SLC25A19: variants seen among roughly 807,000 people sequenced by gnomAD.
SLC25A19 encodes the protein mitochondrial thiamine pyrophosphate carrier.
A neutral mutation model predicts 27.9 loss-of-function variants in SLC25A19; 18 were observed. The ratio of observed to expected loss-of-function variants is 0.64; its 90% confidence interval spans 0.45 to 0.96. The LOEUF (loss-of-function observed/expected upper bound fraction) is 0.96. Ranked by LOEUF, SLC25A19 falls within the 40% of genes least tolerant of loss-of-function variation. The probability of loss-of-function intolerance (pLI) is 0.00; values close to 1 mark genes in which losing one functional copy is unlikely to be tolerated. For missense variants in SLC25A19, 371 were observed against 418.3 expected, an observed-to-expected ratio of 0.89 and a Z score of 0.99; for synonymous variants, 169 against 167.1, an observed-to-expected ratio of 1.01 and a Z score of -0.09.
intron 7 of SLC25A19, among the ~76,000 whole-genome samples, chr17:75,274,374 C>G (rs1194760781): frequency 3.3e-5 from 5 of 152,156 alleles, no homozygotes; most frequent in Non-Finnish European, 7.4e-5. Flanking sequence ...AGACATTCAT[C>G]CCCAGGCACA....
intron 4 of SLC25A19, among the ~76,000 whole-genome samples, chr17:75,283,970 C>T (rs2078119448): frequency 6.6e-6 from 1 of 151,992 alleles, no homozygotes. Context: ...AAAAATTAGT[C>T]AGGCATGGTG....
Position 75,273,760 on chromosome 17 carries a change from A to ATTATT in SLC25A19, c.775-126_775-122dup, listed in dbSNP as rs3082641. On this transcript the variant is annotated intron_variant, in intron 7 of 7. Transcript: ENST00000416858. ...CAAAGAAATGAATGCAAAATAGCAA[A>ATTATT]TTATTTTATTTTTTCGTTGAGGCAG... 0.82 allele frequency: 699,422 copies of ATTATT among 854,368 alleles called. 291,434 individuals carry two copies. Among genetic ancestry groups the ATTATT allele is most frequent in the East Asian group, 0.94 (35,449 of 37,626 alleles). 52.9% of individuals were successfully genotyped at this position (854,368 alleles called of 1,614,324 possible).
At position 75,281,402 on chromosome 17, in the gene SLC25A19, G is replaced by C. The variant is rs368792566; in HGVS notation, c.459+2021C>G. Among the ~76,000 whole-genome samples, 316 of 152,152 alleles carry C rather than the reference G, an allele frequency of 2.1e-3. 6 individuals carry two copies. The South Asian group carries it at 0.032, about 15-fold the overall frequency. ...CAGCCCATTCTTTGTGGAAACCAAA[G>C]ACACTCGCAATTGGCCGGGCGTGGT... On this transcript the variant is annotated intron_variant, in intron 5 of 7. Coordinates refer to ENST00000416858, the MANE Select transcript of SLC25A19 (RefSeq NM_001126121.2).
At chr17:75,286,612 A>G (rs201090379) in intron 3 of SLC25A19, 21 bp downstream of exon 3, 149 of 1,614,052 alleles carry the variant, frequency 9.2e-5, no homozygotes, top group Non-Finnish European at 1.2e-4. Flanking sequence ...AGTCCATTGC[A>G]TGGAAAAAGG....
chr17:75,277,776 A>G (rs1170848558), intron 6 of SLC25A19, among the ~76,000 whole-genome samples: 16 of 152,098 alleles, frequency 1.1e-4, no homozygotes, highest in Non-Finnish European at 1.5e-5. Context: ...TCAGGGCTGG[A>G]GAGGACCAGG....
chr17:75,282,457 G>A (rs1357208881), intron 5 of SLC25A19, among the ~76,000 whole-genome samples: 8 of 152,242 alleles, frequency 5.3e-5, no homozygotes, highest in Admixed American at 2.6e-4. Flanking sequence ...GCGGAGGCAG[G>A]AGAACTGCTT....
chr17:75,285,876 T>C (rs945737881), intron 4 of SLC25A19, among the ~76,000 whole-genome samples: 9 of 152,234 alleles, frequency 5.9e-5, no homozygotes, highest in African/African-American at 2.2e-4. Context: ...GTTCTAACCC[T>C]AGCCCCGCCA....
chr17:75,280,216 C>A (rs539289439), intron 5 of SLC25A19, among the ~76,000 whole-genome samples: 2 of 151,884 alleles, frequency 1.3e-5, no homozygotes, highest in Admixed American at 1.3e-4. Flanking sequence ...ACAAAAAATA[C>A]AAAAATTAGC....
chr17:75,280,870 C>A (rs576720071), intron 5 of SLC25A19, among the ~76,000 whole-genome samples: 9 of 148,066 alleles, frequency 6.1e-5, no homozygotes, highest in Non-Finnish European at 1.2e-4. Context: ...ATCTGGGAGG[C>A]GGTCACAGTG....
chr17:75,278,191 G>T lies in SLC25A19; in HGVS notation c.604C>A (p.Leu202Met), dbSNP rs769095542. The change falls in exon 6 of 8, where the codon CTG becomes ATG. Residue 202 changes from leucine (L) to methionine (M), a missense_variant. Physicochemically the swap from Leu to Met is conservative, Grantham distance 15. Coordinates refer to ENST00000416858, the MANE Select transcript of SLC25A19 (RefSeq NM_001126121.2). ...TCGGCTGGTATGGCCCACTTGTACA[G>T]GTGCTTCAAGGAGCTGTAGCAAGAG... ...QFSCYSSLKH[L>M]YKWAIPAEGK... The T allele has an allele frequency of 1.9e-6, 3 of 1,613,860 alleles. No homozygotes were observed. Among genetic ancestry groups the T allele is most frequent in the Admixed American group, 3.3e-5 (2 of 59,976 alleles).
intron 5 of SLC25A19, among the ~76,000 whole-genome samples, chr17:75,280,524 G>A (rs777831067): frequency 6.6e-6 from 1 of 151,984 alleles, no homozygotes; most frequent in African/African-American, 2.4e-5. Context: ...ATAAAAATTA[G>A]CCAGGCATGG....
At chr17:75,273,696 C>T in intron 7 of SLC25A19, 57 bp from the exon 8 acceptor site, 1 of 1,477,942 alleles carries the variant, frequency 6.8e-7, no homozygotes, top group Non-Finnish European at 9.4e-7. Context: ...ATCAACACAG[C>T]CCCTGGCACA....
Position 75,273,142 on chromosome 17 carries a change from G to C in SLC25A19, c.*309C>G, listed in dbSNP as rs897971230. 16 of 415,940 alleles carry C rather than the reference G, an allele frequency of 3.8e-5. No homozygotes were observed. The highest frequency in any genetic ancestry group is 6.3e-5 in the Non-Finnish European group (14 of 221,844). The allele number at this position is 415,940 out of a possible 1,614,324, so 25.8% of individuals were successfully genotyped here. A position where few individuals can be genotyped will look rare whatever the true frequency, so the allele number is the denominator to read the frequency against. Reference sequence around the variant, plus strand: ...TGTGTTCTGTTCTCCTGGCAGGCAGGGCTGATAGGTGTAGGATGGCGTCTG... The same window carrying C: ...TGTGTTCTGTTCTCCTGGCAGGCAGCGCTGATAGGTGTAGGATGGCGTCTG... On this transcript the variant is annotated 3_prime_UTR_variant, in exon 8 of 8. Coordinates refer to ENST00000416858, the MANE Select transcript of SLC25A19 (RefSeq NM_001126121.2).
chr17:75,288,301 T>C (rs1258482004), intron 2 of SLC25A19: 1 of 152,140 alleles, frequency 6.6e-6, no homozygotes, highest in Admixed American at 6.6e-5. Flanking sequence ...CCTGGAAAAC[T>C]CGGGGAGCAC....
chr17:75,282,762 GA>G (rs1284128360), intron 5 of SLC25A19, among the ~76,000 whole-genome samples: 1 of 151,630 alleles, frequency 6.6e-6, no homozygotes, highest in Non-Finnish European at 1.5e-5. Flanking sequence ...TGAGGAGGGA[GA>G]ATGGCGTGAA....
chr17:75,273,089 C>T lies in SLC25A19; in HGVS notation c.*362G>A. 2.8e-6 allele frequency: 1 copy of T among 357,130 alleles called. No individual in the cohort carries two copies. The highest frequency in any genetic ancestry group is 2.5e-5 in the South Asian group (1 of 40,090). 22.1% of individuals were successfully genotyped at this position (357,130 alleles called of 1,614,324 possible). A position where few individuals can be genotyped will look rare whatever the true frequency, so the allele number is the denominator to read the frequency against. ...AGGGCCTACCGCAGCCCTCTGCACT[C>T]AAGCAGCAGCCCCATCCAGACCAGG... is the stretch of plus-strand genomic sequence containing the variant. On this transcript the variant is annotated 3_prime_UTR_variant, in exon 8 of 8. Coordinates refer to ENST00000416858, the MANE Select transcript of SLC25A19 (RefSeq NM_001126121.2).
intron 5 of SLC25A19, among the ~76,000 whole-genome samples, chr17:75,282,038 G>A (rs1381440451): frequency 2.0e-5 from 3 of 152,150 alleles, no homozygotes; most frequent in Non-Finnish European, 4.4e-5. Context: ...GGGAGGCCGA[G>A]GCGGGCAGAC....
chr17:75,276,426 G>A (rs2077887971), intron 7 of SLC25A19, among the ~76,000 whole-genome samples: 1 of 152,276 alleles, frequency 6.6e-6, no homozygotes, highest in Admixed American at 6.5e-5. Flanking sequence ...GCAATGCAGT[G>A]GTGCAATCGT....
At position 75,286,465 on chromosome 17, in the gene SLC25A19, A is replaced by C; in HGVS notation, c.133-6T>G. 6.2e-7 allele frequency: 1 copy of C among 1,613,840 alleles called. No individual in the cohort carries two copies. The highest frequency in any genetic ancestry group is 8.5e-7 in the Non-Finnish European group (1 of 1,179,830). ...GACAGGCGCTCATGCTGAAGCTAGGAATCAAAATAAAAAAGGTCAGGACAG... is the reference window on the plus strand; with the variant it reads ...GACAGGCGCTCATGCTGAAGCTAGGCATCAAAATAAAAAAGGTCAGGACAG... On this transcript the variant is annotated splice_region_variant and splice_polypyrimidine_tract_variant and intron_variant, in intron 3 of 7. Transcript: ENST00000416858.
Sources: gnomAD v4.1 joint callset for allele counts (sites outside exome capture counted in the v4.1 genomes callset) on GRCh38, gnomAD v4.1.1 for gene constraint, MANE v1.5 for transcripts, NCBI Gene and HGNC (gene_info 2026-07-23, HGNC 2026-07-21) for gene names.